GPRC5A: variants seen among roughly 807,000 people sequenced by gnomAD.
GPRC5A encodes G protein-coupled receptor class C group 5 member A.
GPRC5A carries 19 observed loss-of-function variants against 22.5 expected under a neutral mutation model. That is an observed-to-expected ratio of 0.85 (90% CI 0.59 to 1.24). The LOEUF (loss-of-function observed/expected upper bound fraction) is 1.24. Ranked by LOEUF, GPRC5A falls within the 50% of genes most tolerant of loss-of-function variation. GPRC5A has a pLI of 0.00. For missense variants in GPRC5A, 471 were observed against 451.1 expected (o/e 1.04, Z -0.40); for synonymous variants, 192 against 184.5 (o/e 1.04, Z -0.33).
chr12:12,902,346 GT>G (rs34936618), intron 1 of GPRC5A, among the ~76,000 whole-genome samples: 2,222 of 145,786 alleles, frequency 0.015, 60 homozygotes, highest in African/African-American at 0.049. Flanking sequence ...GACTAAGATG[GT>G]TTTTTTTTTT....
rs925367301 is a variant in GPRC5A, at chr12:12,917,925, C to T, written c.*5386C>T. ...AGAGACAATAACATTTTAAATAAAA[C>T]AACGACAAAGAAGTCTGAGTCAGGT... On this transcript the variant is annotated 3_prime_UTR_variant, in exon 4 of 4. Transcript: ENST00000014914. 1.3e-5 allele frequency: 2 copies of T among 152,066 alleles called. No individual in the cohort carries two copies. Among genetic ancestry groups the T allele is most frequent in the African/African-American group, 4.8e-5 (2 of 41,366 alleles). The allele number at this position is 152,066 out of a possible 1,614,324, so 9.4% of individuals were successfully genotyped here. A position where few individuals can be genotyped will look rare whatever the true frequency, so the allele number is the denominator to read the frequency against.
In GPRC5A at chr12:12,897,255, G is replaced by A. The variant is rs187681138; in HGVS notation, c.-8+5591G>A. Among the ~76,000 whole-genome samples, 573 of 142,930 alleles carry A rather than the reference G, an allele frequency of 4.0e-3. 1 individual carries two copies. The highest frequency in any genetic ancestry group is 5.0e-3 in the Non-Finnish European group (333 of 66,166). The allele number at this position is 142,930 out of a possible 152,430, so 93.8% of individuals were successfully genotyped here. A position where few individuals can be genotyped will look rare whatever the true frequency, so the allele number is the denominator to read the frequency against. The stretch of plus-strand genomic sequence containing the variant: ...AAAAAAAAAAAAAAAAAAGGCCATA[G>A]GATTAATAGTAATAATGATAATAAT... On this transcript the variant is annotated intron_variant, in intron 1 of 3. Coordinates refer to ENST00000014914, the MANE Select transcript of GPRC5A (RefSeq NM_003979.4).
At position 12,912,741 on chromosome 12, in the gene GPRC5A, T is replaced by G; in HGVS notation, c.*202T>G. The G allele has an allele frequency of 2.0e-6, 1 of 496,684 alleles. No homozygotes were observed. The highest frequency in any genetic ancestry group is 3.5e-6 in the Non-Finnish European group (1 of 287,828). 30.8% of individuals were successfully genotyped at this position (496,684 alleles called of 1,614,324 possible). ...AAGACTCCAGTTCTTAGAGGCGCTGTAGTATTTTTTTTTTTTTGTCTCATC... is the reference window on the plus strand; with the variant it reads ...AAGACTCCAGTTCTTAGAGGCGCTGGAGTATTTTTTTTTTTTTGTCTCATC... On this transcript the variant is annotated 3_prime_UTR_variant, in exon 4 of 4. Transcript: ENST00000014914.
chr12:12,894,343 T>C (rs61912338), intron 1 of GPRC5A, among the ~76,000 whole-genome samples: 2,691 of 152,334 alleles, frequency 0.018, 40 homozygotes, highest in Non-Finnish European at 0.026. Context: ...TGCCAAGGAC[T>C]GGTAAAGAAG....
chr12:12,897,069 A>G (rs927747987), intron 1 of GPRC5A, among the ~76,000 whole-genome samples: 2 of 151,984 alleles, frequency 1.3e-5, no homozygotes, highest in African/African-American at 2.4e-5. Flanking sequence ...TCTACTAAAA[A>G]TATAATAATT....
Position 12,914,515 on chromosome 12 carries a change from A to ACTTTCTTT in GPRC5A, c.*1979_*1986dup, listed in dbSNP as rs1420642894. 1 of 144,176 alleles carries ACTTTCTTT rather than the reference A, an allele frequency of 6.9e-6. No individual in the cohort carries two copies. The highest frequency in any genetic ancestry group is 2.5e-5 in the African/African-American group (1 of 39,252). The allele number at this position is 144,176 out of a possible 1,614,324, so 8.9% of individuals were successfully genotyped here. A position where few individuals can be genotyped will look rare whatever the true frequency, so the allele number is the denominator to read the frequency against. On this transcript the variant is annotated 3_prime_UTR_variant, in exon 4 of 4. Coordinates refer to ENST00000014914, the MANE Select transcript of GPRC5A (RefSeq NM_003979.4). ...CTCAAGAAATGCATATTCCCCCCCCACTTTCTTTCTCTCTTTCCTTCCTTC... is the reference window on the plus strand; with the variant it reads ...CTCAAGAAATGCATATTCCCCCCCCACTTTCTTTCTTTCTTTCTCTCTTTCCTTCCTTC...
Position 12,896,967 on chromosome 12 carries a change from C to T in GPRC5A, c.-8+5303C>T, listed in dbSNP as rs147054885. On this transcript the variant is annotated intron_variant, in intron 1 of 3. Coordinates refer to ENST00000014914, the MANE Select transcript of GPRC5A (RefSeq NM_003979.4). ...CAAGTCCAGGTGTGATGGCTTACGCCTGTAATCCTAGCACTGTGAGAGGCT... is the reference window on the plus strand; with the variant it reads ...CAAGTCCAGGTGTGATGGCTTACGCTTGTAATCCTAGCACTGTGAGAGGCT... Among the ~76,000 whole-genome samples, 9 of 152,280 alleles carry T rather than the reference C, an allele frequency of 5.9e-5. No individual in the cohort carries two copies. The East Asian group carries it at 1.5e-3, about 26-fold the overall frequency.
At chr12:12,903,672 G>C (rs756550573) in intron 1 of GPRC5A, among the ~76,000 whole-genome samples, 1 of 152,200 alleles carries the variant, frequency 6.6e-6, no homozygotes, top group African/African-American at 2.4e-5. Flanking sequence ...GTGACATTTG[G>C]GGAAACTGGT....
At chr12:12,900,899 A>C (rs1389614476) in intron 1 of GPRC5A, among the ~76,000 whole-genome samples, 4 of 126,678 alleles carry the variant, frequency 3.2e-5, no homozygotes, top group Non-Finnish European at 4.7e-5. Context: ...CTCAAAAAAA[A>C]AAAAAAAAAA....
Position 12,914,556 on chromosome 12 carries a change from C to CTTTCTTTCTTTA in GPRC5A, c.*2028_*2029insATTTCTTTCTTT, listed in dbSNP as rs1565466532. On this transcript the variant is annotated 3_prime_UTR_variant, in exon 4 of 4. Coordinates refer to ENST00000014914, the MANE Select transcript of GPRC5A (RefSeq NM_003979.4). Reference sequence around the variant, plus strand: ...TCCTTCCTTCCTTCCTTTCTTCTTTCTTTCTTTCTTTCTTTCTTTCTTTCT... The same window carrying CTTTCTTTCTTTA: ...TCCTTCCTTCCTTCCTTTCTTCTTTCTTTCTTTCTTTATTTCTTTCTTTCTTTCTTTCTTTCT... 3.6e-5 allele frequency: 2 copies of CTTTCTTTCTTTA among 55,412 alleles called. No homozygotes were observed. Among genetic ancestry groups the CTTTCTTTCTTTA allele is most frequent in the East Asian group, 5.8e-4 (2 of 3,454 alleles). 3.4% of individuals were successfully genotyped at this position (55,412 alleles called of 1,614,324 possible).
At chr12:12,899,123 G>C (rs1822272229) in intron 1 of GPRC5A, among the ~76,000 whole-genome samples, 1 of 152,066 alleles carries the variant, frequency 6.6e-6, no homozygotes, top group South Asian at 2.1e-4. Context: ...CGAGTTCCTG[G>C]GCTCAAGCAA....
intron 1 of GPRC5A, among the ~76,000 whole-genome samples, chr12:12,893,259 A>G (rs1181146592): frequency 6.6e-6 from 1 of 152,190 alleles, no homozygotes; most frequent in Non-Finnish European, 1.5e-5. Flanking sequence ...CCATCTGCAC[A>G]CGTCGCCTTG....
chr12:12,909,099 T>A lies in GPRC5A; in HGVS notation c.850T>A (p.Cys284Ser). The change falls in exon 2 of 4, where the codon TGT becomes AGT. Residue 284 changes from cysteine (C) to serine (S), a missense_variant. Transcript: ENST00000014914. ...GGATTATCCTGTTGAGGATGCTTTC[T>A]GTAAACCTCAACTCGTGAAGAAGAG... Reference protein sequence around the residue: ...PMDYPVEDAFCKPQLVKKSYG... With the variant: ...PMDYPVEDAFSKPQLVKKSYG... 1 of 1,602,794 alleles carries A rather than the reference T, an allele frequency of 6.2e-7. No individual in the cohort carries two copies. Among genetic ancestry groups the A allele is most frequent in the Non-Finnish European group, 8.5e-7 (1 of 1,179,786 alleles).
chr12:12,899,755 A>G (rs549882905), intron 1 of GPRC5A, among the ~76,000 whole-genome samples: 35 of 152,324 alleles, frequency 2.3e-4, no homozygotes, highest in African/African-American at 8.2e-4. Context: ...GAATGTAGCA[A>G]TTCGAGAATA....
Position 12,915,740 on chromosome 12 carries a change from T to TTGGCCTCTGAAAGTGCTGGGATACCG in GPRC5A, c.*3224_*3249dup. On this transcript the variant is annotated 3_prime_UTR_variant, in exon 4 of 4. Coordinates refer to ENST00000014914, the MANE Select transcript of GPRC5A (RefSeq NM_003979.4). ...CTCCAAACCTCGTGATCCACCTACC[T>TTGGCCTCTGAAAGTGCTGGGATACCG]TGGCCTCTGAAAGTGCTGGGATACC... 4 of 381,256 alleles carry TTGGCCTCTGAAAGTGCTGGGATACCG rather than the reference T, an allele frequency of 1.0e-5. No homozygotes were observed. The highest frequency in any genetic ancestry group is 7.9e-5 in the South Asian group (4 of 50,594). 23.6% of individuals were successfully genotyped at this position (381,256 alleles called of 1,614,324 possible).
At chr12:12,905,153 G>A (rs1162906695) in intron 1 of GPRC5A, among the ~76,000 whole-genome samples, 1 of 152,162 alleles carries the variant, frequency 6.6e-6, no homozygotes, top group Non-Finnish European at 1.5e-5. Context: ...CCAAAGTGCT[G>A]GAATGGCATA....
rs927108758 is a variant in GPRC5A, at chr12:12,915,262, C to T, written c.*2723C>T. 2 of 152,046 alleles carry T rather than the reference C, an allele frequency of 1.3e-5. No individual in the cohort carries two copies. The highest frequency in any genetic ancestry group is 4.8e-5 in the African/African-American group (2 of 41,392). 9.4% of individuals were successfully genotyped at this position (152,046 alleles called of 1,614,324 possible). On this transcript the variant is annotated 3_prime_UTR_variant, in exon 4 of 4. Transcript: ENST00000014914. ...AGGGTGTCAAGAACAGCATTTTTACCAAGTTGATATAAAAATGAAACAGGA... is the reference window on the plus strand; with the variant it reads ...AGGGTGTCAAGAACAGCATTTTTACTAAGTTGATATAAAAATGAAACAGGA...
In GPRC5A at chr12:12,914,202, C is replaced by T. The variant is rs1477822040; in HGVS notation, c.*1663C>T. 1 of 152,848 alleles carries T rather than the reference C, an allele frequency of 6.5e-6. No individual in the cohort carries two copies. The highest frequency in any genetic ancestry group is 1.5e-5 in the Non-Finnish European group (1 of 68,032). The allele number at this position is 152,848 out of a possible 1,614,324, so 9.5% of individuals were successfully genotyped here. A position where few individuals can be genotyped will look rare whatever the true frequency, so the allele number is the denominator to read the frequency against. On this transcript the variant is annotated 3_prime_UTR_variant, in exon 4 of 4. Transcript: ENST00000014914. ...TGTAGCTAAGTCAGGGAGTTACTTCCTAAGAGCCTGACGCTCTGCTTTTCA... is the reference window on the plus strand; with the variant it reads ...TGTAGCTAAGTCAGGGAGTTACTTCTTAAGAGCCTGACGCTCTGCTTTTCA...
At chr12:12,898,637 G>A (rs1555104470) in intron 1 of GPRC5A, among the ~76,000 whole-genome samples, 2 of 152,172 alleles carry the variant, frequency 1.3e-5, no homozygotes, top group Non-Finnish European at 1.5e-5. Flanking sequence ...AGCTCCACGT[G>A]CAGGTCGCAT....
Sources: allele counts gnomAD v4.1 joint callset (sites outside exome capture counted in the v4.1 genomes callset), GRCh38; gene constraint gnomAD v4.1.1; transcripts MANE v1.5; gene names NCBI Gene and HGNC (gene_info 2026-07-23, HGNC 2026-07-21).